The following SPTBN5 variants were observed in gnomAD, a reference collection of about 807,000 sequenced individuals.
The protein encoded by SPTBN5 is spectrin beta chain, non-erythrocytic 5.
SPTBN5 carries 513 observed loss-of-function variants against 477.6 expected under a neutral mutation model. The ratio of observed to expected loss-of-function variants is 1.07; its 90% confidence interval spans 1.00 to 1.16. The LOEUF (loss-of-function observed/expected upper bound fraction) is 1.16, where lower values mean the gene tolerates loss of function less well. Among genes scored for constraint, SPTBN5 ranks in the 50% most tolerant of loss-of-function variants. SPTBN5 has a pLI of 0.00. For synonymous variants in SPTBN5, 2,169 were observed against 2,011.7 expected (o/e 1.08, Z -2.09); for missense variants, 5,062 against 4,731.8 (o/e 1.07, Z -2.05).
rs1179241359 is a variant in SPTBN5 at position 41,875,161 on chromosome 15, G to T, written c.4288-105C>A. ...GACTTTTAGGACCAGATTCACCAGG[G>T]AGCTCTGTCCCCACCACTGCCAACC... On this transcript the variant is annotated intron_variant, in intron 22 of 67. Coordinates refer to ENST00000320955, the MANE Select transcript of SPTBN5 (RefSeq NM_016642.4). 7 of 1,135,660 alleles carry T rather than the reference G, an allele frequency of 6.2e-6. No homozygotes were observed. In the East Asian group the frequency reaches 1.8e-4, roughly 29 times the overall value. The allele number at this position is 1,135,660 out of a possible 1,614,324, so 70.3% of individuals were successfully genotyped here.
At chr15:41,876,501 G>T in intron 20 of SPTBN5, 47 bp downstream of exon 20, 1 of 1,510,498 alleles carries the variant, frequency 6.6e-7, no homozygotes, top group Non-Finnish European at 9.0e-7. Flanking sequence ...ACGGTCTCAG[G>T]CTTTCTTTTC....
Position 41,883,225 on chromosome 15 carries a change from G to T in SPTBN5, c.1663C>A (p.Pro555Thr). The change falls in exon 9 of 68, where the codon CCG (proline) becomes ACG (threonine). Residue 555 changes from proline (P) to threonine (T), a missense_variant. Coordinates refer to ENST00000320955, the MANE Select transcript of SPTBN5 (RefSeq NM_016642.4). Reference sequence around the variant, plus strand: ...TGCCCACAGGCGGTGGACCTGGCCGGCTCCTGGCCAGAGATGATGGTCATT... The same window carrying T: ...TGCCCACAGGCGGTGGACCTGGCCGTCTCCTGGCCAGAGATGATGGTCATT... Reference protein sequence around the residue: ...ASHQLEELQEPARSTACGQQL... With the variant: ...ASHQLEELQETARSTACGQQL... The T allele has an allele frequency of 6.2e-7, 1 of 1,608,956 alleles. No individual in the cohort carries two copies. Among genetic ancestry groups the T allele is most frequent in the Non-Finnish European group, 8.5e-7 (1 of 1,177,858 alleles).
Position 41,892,877 on chromosome 15 carries a change from C to A in SPTBN5, c.384+17G>T. On this transcript the variant is annotated intron_variant, in intron 3 of 67. Coordinates refer to ENST00000320955, the MANE Select transcript of SPTBN5 (RefSeq NM_016642.4). The stretch of plus-strand genomic sequence containing the variant: ...CCTGCCCCAGCACCATCCCAGACCC[C>A]TTTCCCTGGGGCCCACCTTGGCCCT... 6.3e-7 allele frequency: 1 copy of A among 1,583,644 alleles called. No homozygotes were observed. Among genetic ancestry groups the A allele is most frequent in the South Asian group, 1.1e-5 (1 of 89,012 alleles).
Position 41,848,668 on chromosome 15 carries a change from C to T in SPTBN5, c.11013-40G>A, listed in dbSNP as rs202059071. 2.4e-5 allele frequency: 39 copies of T among 1,612,592 alleles called. No homozygotes were observed. In the African/African-American group the frequency reaches 3.9e-4, roughly 16 times the overall value. Reference sequence around the variant, plus strand: ...GAATGAATTTAGTAGGGTATGGCCACCCCAGAATCTTCTCCAAACAAACAC... The same window carrying T: ...GAATGAATTTAGTAGGGTATGGCCATCCCAGAATCTTCTCCAAACAAACAC... On this transcript the variant is annotated intron_variant, in intron 67 of 67. Coordinates refer to ENST00000320955, the MANE Select transcript of SPTBN5 (RefSeq NM_016642.4).
Position 41,855,372 on chromosome 15 carries a change from C to A in SPTBN5, c.9275G>T (p.Arg3092Leu), listed in dbSNP as rs371442322. The A allele has an allele frequency of 1.2e-6, 2 of 1,605,042 alleles. No individual in the cohort carries two copies. The highest frequency in any genetic ancestry group is 2.7e-5 in the African/African-American group (2 of 74,940). ...AVREAHAELL[R>L]RAEARGHGLQ... ...GCCGTGCCCCCTGGCCTCCGCCCTC[C>A]GCAGCAGCTCTGCGTGGGCCTCCCG... is the stretch of plus-strand genomic sequence containing the variant. Residue 3092 changes from arginine (R) to leucine (L), a missense_variant, in exon 55 of 68, where the codon CGG (arginine) becomes CTG (leucine). Physicochemically the swap from Arg to Leu is moderately radical, Grantham distance 102. Coordinates refer to ENST00000320955, the MANE Select transcript of SPTBN5 (RefSeq NM_016642.4).
In SPTBN5 at chr15:41,887,422, C is replaced by T. The variant is rs868228216; in HGVS notation, c.679G>A (p.Gly227Ser). ...HAHRPDLLDY[G>S]SLRPDRPLHN... is the part of the protein sequence containing the mutation. ...AGTGGGCGGTCTGGACGCAGGGAGC[C>T]GTAGTCCAACAGGTCTGGCCTGGAC... Residue 227 changes from glycine (G) to serine (S), a missense_variant, in exon 6 of 68, where the codon GGC becomes AGC. Gly to Ser is a moderately conservative substitution (Grantham distance 56). Transcript: ENST00000320955. 3.7e-5 allele frequency: 57 copies of T among 1,552,878 alleles called. No homozygotes were observed. The African/African-American group carries it at 5.3e-4, about 15-fold the overall frequency.
chr15:41,875,466 G>A lies in SPTBN5; in HGVS notation c.4279C>T (p.Gln1427Ter), dbSNP rs1487347243. 13 of 1,611,730 alleles carry A rather than the reference G, an allele frequency of 8.1e-6. No individual in the cohort carries two copies. Among genetic ancestry groups the A allele is most frequent in the Non-Finnish European group, 1.1e-5 (13 of 1,179,430 alleles). Residue 1427 changes from glutamine to a stop codon, truncating the protein, a stop_gained, in exon 22 of 68, where the codon CAG (glutamine) becomes TAG (stop). Transcript: ENST00000320955. LOFTEE classifies it high-confidence loss of function. ...CCCTCTTCCCAGTGGACCTGCAGCT[G>A]CCTCAGGAGTTGCTCCTGCTGTCCA... ...QAGQQEQLLR[Q>*]LQDAKEQLEQ... is the part of the protein sequence containing the mutation.
intron 28 of SPTBN5, 101 bp downstream of exon 28, chr15:41,871,681 C>G: frequency 3.5e-6 from 5 of 1,428,706 alleles, no homozygotes; most frequent in Non-Finnish European, 4.6e-6. Context: ...CAGGGCTCAC[C>G]GCTCTGCTGC....
Position 41,881,977 on chromosome 15 carries a change from C to G in SPTBN5, c.2416G>C (p.Glu806Gln), listed in dbSNP as rs777289777. 3.9e-6 allele frequency: 6 copies of G among 1,539,856 alleles called. No individual in the cohort carries two copies. The South Asian group carries it at 7.1e-5, about 18-fold the overall frequency. ...AFAAELRRLE[E>Q]QGRAASARAS... ...CGGGCCGAGGCCGCCCGCCCCTGCT[C>G]CTCCAGCCGCCGCAGCTCGGCCGCG... Residue 806 changes from glutamate (E) to glutamine (Q), a missense_variant, in exon 12 of 68, where the codon GAG (glutamate) becomes CAG (glutamine). By Grantham distance (29) the Glu-to-Gln change is conservative (BLOSUM62 2). Coordinates refer to ENST00000320955, the MANE Select transcript of SPTBN5 (RefSeq NM_016642.4).
At chr15:41,880,963 C>T in intron 13 of SPTBN5, 71 bp downstream of exon 13, 1 of 1,371,486 alleles carries the variant, frequency 7.3e-7, no homozygotes, top group Non-Finnish European at 1.0e-6. Flanking sequence ...TGCCTTGTCC[C>T]CTGGGATCAC....
chr15:41,855,196 C>T (rs2065896394), intron 55 of SPTBN5, 28 bp downstream of exon 55: 3 of 1,592,164 alleles, frequency 1.9e-6, no homozygotes, highest in Non-Finnish European at 2.6e-6. Context: ...TGCCCACTCC[C>T]CGTGAGGTTT....
chr15:41,884,553 A>G (rs117624894), intron 7 of SPTBN5, among the ~76,000 whole-genome samples: 1 of 152,292 alleles, frequency 6.6e-6, no homozygotes, highest in East Asian at 1.9e-4. Context: ...TTACTGCAAT[A>G]GCTTTGTAAC....
At chr15:41,859,077 G>A (rs2074798134) in intron 47 of SPTBN5, 97 bp from the exon 48 acceptor site, 1 of 923,766 alleles carries the variant, frequency 1.1e-6, no homozygotes, top group East Asian at 2.9e-5. Flanking sequence ...TATACTCTGA[G>A]TCTGGAGTTT....
Position 41,855,577 on chromosome 15 carries a change from G to C in SPTBN5, c.9190C>G (p.Leu3064Val), listed in dbSNP as rs368642766. The C allele has an allele frequency of 1.2e-6, 2 of 1,612,002 alleles. No individual in the cohort carries two copies. Among genetic ancestry groups the C allele is most frequent in the African/African-American group, 2.7e-5 (2 of 74,934 alleles). Residue 3064 changes from leucine (L) to valine (V), a missense_variant, in exon 54 of 68, where the codon CTC (leucine) becomes GTC (valine). By Grantham distance (32) the Leu-to-Val change is conservative. Coordinates refer to ENST00000320955, the MANE Select transcript of SPTBN5 (RefSeq NM_016642.4). ...RIERLQQTAA[L>V]LESRKNPESP... ...TCTGGGTTCTTCCTGCTCTCCAGGA[G>C]TGCTGCTGTCTGCTGCAGCCGCTCG...
Position 41,861,846 on chromosome 15 carries a change from G to A in SPTBN5, c.7626C>T (p.Pro2542=), listed in dbSNP as rs748489272. 2 of 1,607,460 alleles carry A rather than the reference G, an allele frequency of 1.2e-6. No individual in the cohort carries two copies. Among genetic ancestry groups the A allele is most frequent in the Non-Finnish European group, 1.7e-6 (2 of 1,179,316 alleles). ...TGQQLLTAGH[P]FSSDIRQVLA... ...GCACCTGGCGAATGTCGGAGCTGAA[G>A]GGGTGCCCCGCTGTGAGCAGTTGCT... Residue 2542 remains proline, a synonymous_variant, in exon 45 of 68, where the codon CCC becomes CCT. Transcript: ENST00000320955.
At chr15:41,870,169 A>G in intron 31 of SPTBN5, 74 bp downstream of exon 31, 3 of 1,497,728 alleles carry the variant, frequency 2.0e-6, no homozygotes, top group Non-Finnish European at 2.7e-6. Flanking sequence ...ACAGTGGAAA[A>G]TCTAGAGGAA....
In SPTBN5 at chr15:41,876,250, C is replaced by A; in HGVS notation, c.3986G>T (p.Trp1329Leu). ...WKQDVAELMQ[W>L]MEEKGLMAAH... The stretch of plus-strand genomic sequence containing the variant: ...AGCCATCAGCCCCTTCTCTTCCATC[C>A]ACTGCATCAGCTCTGCCACATCCTG... The change falls in exon 21 of 68, where the codon TGG becomes TTG. Residue 1329 changes from tryptophan (W) to leucine (L), a missense_variant. Coordinates refer to ENST00000320955, the MANE Select transcript of SPTBN5 (RefSeq NM_016642.4). The A allele has an allele frequency of 6.3e-7, 1 of 1,595,056 alleles. No individual in the cohort carries two copies. The highest frequency in any genetic ancestry group is 8.5e-7 in the Non-Finnish European group (1 of 1,173,434).
intron 22 of SPTBN5, 54 bp from the exon 23 acceptor site, chr15:41,875,110 G>A: frequency 2.0e-6 from 3 of 1,493,742 alleles, no homozygotes; most frequent in Admixed American, 2.0e-5. Context: ...CACAGCAAGT[G>A]GCCTTCCCGG....
chr15:41,852,107 C>T, intron 62 of SPTBN5, 75 bp downstream of exon 62: 1 of 1,501,974 alleles, frequency 6.7e-7, no homozygotes, highest in Non-Finnish European at 8.9e-7. Context: ...GGCCCTCACC[C>T]CCACAGCCCC....
Sources: allele counts gnomAD v4.1 joint callset (sites outside exome capture counted in the v4.1 genomes callset), GRCh38; gene constraint gnomAD v4.1.1; transcripts MANE v1.5; gene names NCBI Gene and HGNC (gene_info 2026-07-23, HGNC 2026-07-21).